Variants in ARHGAP44 observed in about 807,000 individuals in gnomAD.
ARHGAP44 encodes the protein Rho GTPase activating protein 44, also known as rho GTPase-activating protein 44.
A neutral mutation model predicts 106.8 loss-of-function variants in ARHGAP44; 43 were observed. The observed-to-expected ratio is 0.40, with a 90% CI of 0.32 to 0.52. The LOEUF (loss-of-function observed/expected upper bound fraction) is 0.52, where lower values mean the gene tolerates loss of function less well. Among genes scored for constraint, ARHGAP44 ranks in the 20% least tolerant of loss-of-function variants. ARHGAP44 has a pLI of 0.48. For synonymous variants in ARHGAP44, 439 were observed against 410.3 expected (o/e 1.07, Z -0.85); for missense variants, 866 against 1,050.5 (o/e 0.82, Z 2.43).
chr17:12,803,024 G>A (rs1246249863), intron 1 of ARHGAP44, among the ~76,000 whole-genome samples: 2 of 131,222 alleles, frequency 1.5e-5, no homozygotes, highest in Non-Finnish European at 3.1e-5. Context: ...CCAGGCTGAA[G>A]TACAGTGGCG....
chr17:12,978,816 G>A (rs2039761800), intron 18 of ARHGAP44, among the ~76,000 whole-genome samples: 1 of 151,990 alleles, frequency 6.6e-6, no homozygotes, highest in African/African-American at 2.4e-5. Flanking sequence ...AGCCTCCCGA[G>A]TGGCTGGGAT....
chr17:12,940,978 C>A (rs1046392361), intron 7 of ARHGAP44, 78 bp from the exon 8 acceptor site: 1 of 1,249,050 alleles, frequency 8.0e-7, no homozygotes, highest in Non-Finnish European at 1.2e-6. Flanking sequence ...CTCTTTCTCA[C>A]GTGATGTGTT....
In ARHGAP44 at chr17:12,990,370, T is replaced by G. The variant is rs2040099659; in HGVS notation, c.*199T>G. ...GGTGGTGCAGGTTTTGTTTGTTCCTTTCGGGTGGTGACTTCGGCCTTTTGT... is the reference window on the plus strand; with the variant it reads ...GGTGGTGCAGGTTTTGTTTGTTCCTGTCGGGTGGTGACTTCGGCCTTTTGT... On this transcript the variant is annotated 3_prime_UTR_variant, in exon 21 of 21. Coordinates refer to ENST00000379672, the MANE Select transcript of ARHGAP44 (RefSeq NM_014859.6). 6.0e-6 allele frequency: 4 copies of G among 670,488 alleles called. No individual in the cohort carries two copies. The highest frequency in any genetic ancestry group is 6.0e-5 in the Admixed American group (2 of 33,292). The allele number at this position is 670,488 out of a possible 1,614,324, so 41.5% of individuals were successfully genotyped here. A position where few individuals can be genotyped will look rare whatever the true frequency, so the allele number is the denominator to read the frequency against.
At chr17:12,955,701 G>A (rs2039108869) in intron 13 of ARHGAP44, 166 bp from the exon 14 acceptor site, 7 of 548,952 alleles carry the variant, frequency 1.3e-5, no homozygotes, top group East Asian at 3.1e-5. Flanking sequence ...GAAAGAGGAT[G>A]CAGAATTTCC....
chr17:12,838,407 A>C (rs562938852), intron 1 of ARHGAP44, among the ~76,000 whole-genome samples: 1 of 152,292 alleles, frequency 6.6e-6, no homozygotes, highest in East Asian at 1.9e-4. Context: ...TTTCTTTAGT[A>C]ATTTCCTGCA....
intron 5 of ARHGAP44, among the ~76,000 whole-genome samples, chr17:12,919,077 G>T (rs931418110): frequency 2.0e-5 from 3 of 152,186 alleles, no homozygotes; most frequent in African/African-American, 4.8e-5. Context: ...ACTGTGTGAC[G>T]ATGGTTAATG....
chr17:12,814,437 C>T (rs1487869399), intron 1 of ARHGAP44, among the ~76,000 whole-genome samples: 2 of 151,838 alleles, frequency 1.3e-5, no homozygotes, highest in Non-Finnish European at 2.9e-5. Flanking sequence ...GACGGGGTTT[C>T]ACCATGTTGG....
At chr17:12,956,783 G>A (rs1006964501) in intron 15 of ARHGAP44, 37 bp downstream of exon 15, 10 of 1,582,592 alleles carry the variant, frequency 6.3e-6, no homozygotes, top group Non-Finnish European at 8.7e-6. Context: ...GCAAGAGGCA[G>A]GGAACAGGAG....
At chr17:12,916,649 T>C (rs1048214738) in intron 5 of ARHGAP44, among the ~76,000 whole-genome samples, 2 of 152,236 alleles carry the variant, frequency 1.3e-5, no homozygotes, top group Non-Finnish European at 2.9e-5. Flanking sequence ...CCTCCCAAAG[T>C]GCTGGGATTA....
chr17:12,922,825 C>T (rs1310797497), intron 6 of ARHGAP44, among the ~76,000 whole-genome samples: 3 of 152,120 alleles, frequency 2.0e-5, no homozygotes, highest in East Asian at 1.9e-4. Context: ...TCACGAACTC[C>T]TCTAGCAGGA....
chr17:12,926,458 A>G lies in ARHGAP44; in HGVS notation c.465-2471A>G, dbSNP rs147208087. On this transcript the variant is annotated intron_variant, in intron 6 of 20. Coordinates refer to ENST00000379672, the MANE Select transcript of ARHGAP44 (RefSeq NM_014859.6). ...ATATATGTATATACATAATATATAT[A>G]CATATATAATATATATAATATATAT... is the stretch of plus-strand genomic sequence containing the variant. 2.7e-3 allele frequency among the ~76,000 whole-genome samples: 314 copies of G among 115,900 alleles called. 7 individuals carry two copies. The East Asian group carries it at 0.06, about 22-fold the overall frequency. 76.0% of individuals were successfully genotyped at this position (115,900 alleles called of 152,430 possible).
At chr17:12,973,986 G>A (rs2039598772) in intron 17 of ARHGAP44, 103 bp from the exon 18 acceptor site, 12 of 1,239,642 alleles carry the variant, frequency 9.7e-6, no homozygotes, top group South Asian at 1.3e-5. Flanking sequence ...CTAAAGCTGC[G>A]CTGCTCTTCT....
chr17:12,960,446 A>G (rs145076474), intron 16 of ARHGAP44, among the ~76,000 whole-genome samples: 2 of 151,932 alleles, frequency 1.3e-5, no homozygotes, highest in African/African-American at 4.8e-5. Context: ...CGCACTTGTA[A>G]TCCCAGCTAC....
At chr17:12,871,053 C>A (rs962360543) in intron 1 of ARHGAP44, among the ~76,000 whole-genome samples, 1 of 152,100 alleles carries the variant, frequency 6.6e-6, no homozygotes, top group South Asian at 2.1e-4. Flanking sequence ...ATTTACATTT[C>A]TTGTTTCGTA....
chr17:12,815,256 A>G (rs1245686076), intron 1 of ARHGAP44, among the ~76,000 whole-genome samples: 3 of 152,214 alleles, frequency 2.0e-5, no homozygotes, highest in Non-Finnish European at 1.5e-5. Flanking sequence ...GTAGGCATTT[A>G]GAATGTACAA....
rs768083109 is a variant in ARHGAP44 at position 12,990,162 on chromosome 17, C to T, written c.2448C>T (p.Thr816=). 2.5e-5 allele frequency: 40 copies of T among 1,611,740 alleles called. No homozygotes were observed. The South Asian group carries it at 4.0e-4, about 16-fold the overall frequency. The part of the protein sequence containing the change: ...KRDSEEESES[T]AL ...ACTCGGAGGAGGAGTCTGAGAGCAC[C>T]GCCCTCTGACATGACACCGCCCATC... The change falls in exon 21 of 21, where the codon ACC becomes ACT. Residue 816 remains threonine, a synonymous_variant. Coordinates refer to ENST00000379672, the MANE Select transcript of ARHGAP44 (RefSeq NM_014859.6).
At chr17:12,984,360 C>T (rs548446511) in intron 19 of ARHGAP44, 171 bp from the exon 20 acceptor site, 2 of 532,060 alleles carry the variant, frequency 3.8e-6, no homozygotes, top group Non-Finnish European at 6.0e-6. Flanking sequence ...ATTGTATTGG[C>T]TGCTGTCAAT....
At position 12,903,871 on chromosome 17, in the gene ARHGAP44, CTTAG is replaced by C. The variant is rs1372871575; in HGVS notation, c.199-5021_199-5018del. ...GTTTGAGGGAGAGAGCAAACAGTAT[CTTAG>C]TTAGAGGCAATCTTAGGTTATATGA... On this transcript the variant is annotated intron_variant, in intron 3 of 20. Transcript: ENST00000379672. 4.6e-5 allele frequency among the ~76,000 whole-genome samples: 7 copies of C among 152,150 alleles called. No individual in the cohort carries two copies. In the East Asian group the frequency reaches 1.4e-3, roughly 29 times the overall value.
chr17:12,923,139 A>T (rs1376203409), intron 6 of ARHGAP44, among the ~76,000 whole-genome samples: 1 of 152,108 alleles, frequency 6.6e-6, no homozygotes. Context: ...CCTTTATCAC[A>T]TCGGTGATTT....
Sources: allele counts gnomAD v4.1 joint callset (sites outside exome capture counted in the v4.1 genomes callset), GRCh38; gene constraint gnomAD v4.1.1; transcripts MANE v1.5; gene names NCBI Gene and HGNC (gene_info 2026-07-23, HGNC 2026-07-21).